Variants in HEATR3 observed in about 807,000 individuals in gnomAD.
The protein encoded by HEATR3 is HEAT repeat-containing protein 3.
A neutral mutation model predicts 72.8 loss-of-function variants in HEATR3; 56 were observed. The ratio of observed to expected loss-of-function variants is 0.77; its 90% confidence interval spans 0.62 to 0.96. The LOEUF (loss-of-function observed/expected upper bound fraction) is 0.96. Ranked by LOEUF, HEATR3 falls within the 40% of genes least tolerant of loss-of-function variation. HEATR3 has a pLI of 0.00. For synonymous variants in HEATR3, 331 were observed against 318.1 expected, an observed-to-expected ratio of 1.04 and a Z score of -0.43; for missense variants, 747 against 831.4, an observed-to-expected ratio of 0.90 and a Z score of 1.25.
At chr16:50,095,879 CAG>C (rs1329422475) in intron 12 of HEATR3, among the ~76,000 whole-genome samples, 1 of 152,116 alleles carries the variant, frequency 6.6e-6, no homozygotes, top group African/African-American at 2.4e-5. Flanking sequence ...GCATGTCTGA[CAG>C]AAAAATAAAT....
intron 12 of HEATR3, among the ~76,000 whole-genome samples, chr16:50,095,740 G>A (rs1159946834): frequency 6.6e-6 from 1 of 152,000 alleles, no homozygotes. Context: ...AGCCTCAGCA[G>A]GTTATTAGCG....
intron 11 of HEATR3, among the ~76,000 whole-genome samples, chr16:50,087,455 T>C (rs2037012986): frequency 6.6e-6 from 1 of 152,224 alleles, no homozygotes; most frequent in Admixed American, 6.5e-5. Context: ...TGCATGTTCT[T>C]CTAACAGATT....
intron 5 of HEATR3, 43 bp from the exon 6 acceptor site, chr16:50,075,528 G>T: frequency 1.3e-6 from 2 of 1,562,442 alleles, no homozygotes; most frequent in Non-Finnish European, 1.8e-6. Context: ...ATTATCCAAA[G>T]CAGAATTCAT....
chr16:50,092,927 G>A lies in HEATR3; in HGVS notation c.1511-1778G>A, dbSNP rs1472222267. On this transcript the variant is annotated intron_variant, in intron 11 of 14. Coordinates refer to ENST00000299192, the MANE Select transcript of HEATR3 (RefSeq NM_182922.4). ...AAAAGTAAAAGCAGAATGATATGAGGCGTTACACTAGGCCAGTTAGTGTGG... is the reference window on the plus strand; with the variant it reads ...AAAAGTAAAAGCAGAATGATATGAGACGTTACACTAGGCCAGTTAGTGTGG... Among the ~76,000 whole-genome samples the A allele has an allele frequency of 6.6e-5, 10 of 152,282 alleles. No individual in the cohort carries two copies. In the East Asian group the frequency reaches 1.7e-3, roughly 26 times the overall value.
intron 11 of HEATR3, among the ~76,000 whole-genome samples, chr16:50,089,126 A>C (rs1013073874): frequency 7.9e-5 from 12 of 152,188 alleles, no homozygotes; most frequent in African/African-American, 2.9e-4. Context: ...AGTCCTGGAG[A>C]AATAATGGAA....
chr16:50,086,915 G>A (rs2037000675), intron 11 of HEATR3, among the ~76,000 whole-genome samples: 1 of 152,080 alleles, frequency 6.6e-6, no homozygotes, highest in Non-Finnish European at 1.5e-5. Context: ...GGCAACAAGA[G>A]CAAAACTCCA....
At chr16:50,093,805 C>T (rs1472035201) in intron 11 of HEATR3, among the ~76,000 whole-genome samples, 2 of 152,046 alleles carry the variant, frequency 1.3e-5, no homozygotes, top group African/African-American at 4.8e-5. Flanking sequence ...GTTCCCAGGG[C>T]GGAAGTCGAG....
At chr16:50,084,433 A>G in intron 9 of HEATR3, 136 bp from the exon 10 acceptor site, 1 of 1,195,144 alleles carries the variant, frequency 8.4e-7, no homozygotes, top group Non-Finnish European at 1.2e-6. Flanking sequence ...GCCTAACAGT[A>G]CTGGAAATAG....
At chr16:50,091,643 G>A (rs2037113294) in intron 11 of HEATR3, among the ~76,000 whole-genome samples, 1 of 152,052 alleles carries the variant, frequency 6.6e-6, no homozygotes, top group Admixed American at 6.6e-5. Context: ...GGGGGGCCGA[G>A]GCGGGCAGAT....
chr16:50,087,118 C>T (rs1009235759), intron 11 of HEATR3, among the ~76,000 whole-genome samples: 1 of 152,178 alleles, frequency 6.6e-6, no homozygotes, highest in African/African-American at 2.4e-5. Context: ...GCACCAGTTA[C>T]TTGTGTATCC....
chr16:50,097,878 C>T (rs2037278480), intron 12 of HEATR3, among the ~76,000 whole-genome samples: 1 of 150,048 alleles, frequency 6.7e-6, no homozygotes, highest in African/African-American at 2.5e-5. Flanking sequence ...TTGCACTGCA[C>T]TCCAGCCTGG....
In HEATR3 at chr16:50,070,234, C is replaced by A; in HGVS notation, c.456C>A (p.Asn152Lys). 1 of 1,610,768 alleles carries A rather than the reference C, an allele frequency of 6.2e-7. No individual in the cohort carries two copies. Among genetic ancestry groups the A allele is most frequent in the Non-Finnish European group, 8.5e-7 (1 of 1,177,826 alleles). Reference protein sequence around the residue: ...EMSLQEKKDQNRNSIENIANE... With the variant: ...EMSLQEKKDQKRNSIENIANE... ...CTCTGCAGGAGAAAAAAGATCAGAA[C>A]AGAAATTCTATTGAGAACATAGCCA... Residue 152 changes from asparagine to lysine, a missense_variant, in exon 4 of 15, where the codon AAC becomes AAA. Transcript: ENST00000299192.
At position 50,102,262 on chromosome 16, in the gene HEATR3, A is replaced by G. The variant is rs1312636381; in HGVS notation, c.1747A>G (p.Ile583Val). ...EDGTLETLKN[I>V]GCFLLEVTTK... ...AAATGTGTTTTGTTGTTTCCAGAACATTGGGTGCTTTCTGCTTGAAGTTAC... is the reference window on the plus strand; with the variant it reads ...AAATGTGTTTTGTTGTTTCCAGAACGTTGGGTGCTTTCTGCTTGAAGTTAC... The change falls in exon 14 of 15, where the codon ATT becomes GTT. Residue 583 changes from isoleucine to valine, a missense_variant. Physicochemically the swap from Ile to Val is conservative, Grantham distance 29. Coordinates refer to ENST00000299192, the MANE Select transcript of HEATR3 (RefSeq NM_182922.4). 6.2e-7 allele frequency: 1 copy of G among 1,611,624 alleles called. No homozygotes were observed.
At chr16:50,102,825 C>T (rs369752221) in intron 14 of HEATR3, among the ~76,000 whole-genome samples, 22 of 152,198 alleles carry the variant, frequency 1.4e-4, no homozygotes, top group African/African-American at 3.6e-4. Flanking sequence ...TGCAGTGGTG[C>T]GATCTTGGCT....
chr16:50,070,844 G>T (rs2036595290), intron 4 of HEATR3, among the ~76,000 whole-genome samples: 1 of 152,144 alleles, frequency 6.6e-6, no homozygotes, highest in Non-Finnish European at 1.5e-5. Context: ...AAAGATAGGA[G>T]GAATCATGAC....
intron 11 of HEATR3, among the ~76,000 whole-genome samples, chr16:50,090,952 C>G (rs1056619377): frequency 6.6e-6 from 1 of 151,872 alleles, no homozygotes; most frequent in Non-Finnish European, 1.5e-5. Flanking sequence ...TGAGACCAGC[C>G]TGACCAATAT....
chr16:50,092,684 G>C (rs557443665), intron 11 of HEATR3, among the ~76,000 whole-genome samples: 1 of 151,344 alleles, frequency 6.6e-6, no homozygotes, highest in Non-Finnish European at 1.5e-5. Context: ...CCTCATGATC[G>C]GCCCACCTTG....
At chr16:50,104,558 C>T (rs1218147242) in intron 14 of HEATR3, among the ~76,000 whole-genome samples, 1 of 152,082 alleles carries the variant, frequency 6.6e-6, no homozygotes, top group Non-Finnish European at 1.5e-5. Context: ...GGCTTTATAC[C>T]TTTGAGAGAA....
At chr16:50,077,023 A>G (rs1157672583) in intron 6 of HEATR3, among the ~76,000 whole-genome samples, 2 of 150,756 alleles carry the variant, frequency 1.3e-5, no homozygotes, top group Non-Finnish European at 3.0e-5. Context: ...GCCTGCCACC[A>G]CGCCCAGCTA....
Sources: gnomAD v4.1 joint callset for allele counts (sites outside exome capture counted in the v4.1 genomes callset) on GRCh38, gnomAD v4.1.1 for gene constraint, MANE v1.5 for transcripts, NCBI Gene and HGNC (gene_info 2026-07-23, HGNC 2026-07-21) for gene names.